Variants in TXNL1 observed in about 807,000 individuals in gnomAD.
The protein encoded by TXNL1 is thioredoxin like 1, also known as thioredoxin-like protein 1.
Under a neutral mutation model 35.5 loss-of-function variants are expected in TXNL1, and 14 were observed. The observed-to-expected ratio is 0.39, with a 90% confidence interval of 0.26 to 0.62. The LOEUF (loss-of-function observed/expected upper bound fraction) is 0.62. Among genes scored for constraint, TXNL1 ranks in the 20% least tolerant of loss-of-function variants. The pLI, the probability that TXNL1 is intolerant of heterozygous loss-of-function variation, is 0.47. For missense variants in TXNL1, 263 were observed against 349.7 expected, an observed-to-expected ratio of 0.75 and a Z score of 1.98; for synonymous variants, 110 against 115.5, an observed-to-expected ratio of 0.95 and a Z score of 0.31.
chr18:56,611,767 C>A (rs1467142142), intron 6 of TXNL1, among the ~76,000 whole-genome samples: 1 of 151,286 alleles, frequency 6.6e-6, no homozygotes, highest in Non-Finnish European at 1.5e-5. Flanking sequence ...GATCTCGACT[C>A]ACTGCAACCT....
In TXNL1 at chr18:56,601,070, T is replaced by C. The variant is rs1338916014; in HGVS notation, c.*1957A>G. 6.6e-6 allele frequency: 1 copy of C among 151,964 alleles called. No individual in the cohort carries two copies. The highest frequency in any genetic ancestry group is 1.5e-5 in the Non-Finnish European group (1 of 68,016). 9.4% of individuals were successfully genotyped at this position (151,964 alleles called of 1,614,324 possible). ...AGTTACATTTTTTCAAATGCTCTTATTCATCTGGAAAATTCAGTGTTATAT... is the reference window on the plus strand; with the variant it reads ...AGTTACATTTTTTCAAATGCTCTTACTCATCTGGAAAATTCAGTGTTATAT... On this transcript the variant is annotated 3_prime_UTR_variant, in exon 8 of 8. Coordinates refer to ENST00000217515, the MANE Select transcript of TXNL1 (RefSeq NM_004786.3).
chr18:56,613,744 A>T (rs1049237380), intron 6 of TXNL1, among the ~76,000 whole-genome samples: 3 of 152,194 alleles, frequency 2.0e-5, no homozygotes, highest in Admixed American at 2.0e-4. Context: ...CCAGTAGATC[A>T]GGGCTATACT....
chr18:56,638,311 C>T (rs755995031), intron 1 of TXNL1, 32 bp downstream of exon 1: 1 of 1,584,510 alleles, frequency 6.3e-7, no homozygotes. Context: ...GAAGGACAGA[C>T]GGGGACCCAC....
intron 2 of TXNL1, 185 bp downstream of exon 2, chr18:56,626,176 A>G: frequency 7.6e-7 from 1 of 1,314,350 alleles, no homozygotes; most frequent in Non-Finnish European, 9.7e-7. Flanking sequence ...AGCAATTAAT[A>G]ATGTGCTACT....
At chr18:56,627,571 C>T (rs555323400) in intron 1 of TXNL1, among the ~76,000 whole-genome samples, 1 of 152,202 alleles carries the variant, frequency 6.6e-6, no homozygotes, top group East Asian at 1.9e-4. Context: ...AAAGAAGAGT[C>T]TAGAAACAGA....
chr18:56,621,376 G>A (rs1017706935), intron 3 of TXNL1, among the ~76,000 whole-genome samples: 4 of 151,914 alleles, frequency 2.6e-5, no homozygotes, highest in Admixed American at 6.6e-5. Context: ...TGTATTTTTG[G>A]TAGAGATGGG....
chr18:56,621,494 C>T (rs1026121008), intron 3 of TXNL1, among the ~76,000 whole-genome samples: 1 of 152,032 alleles, frequency 6.6e-6, no homozygotes. Context: ...ACACGCCCAG[C>T]CCACAAAACA....
At chr18:56,623,501 G>A (rs2024225460) in intron 3 of TXNL1, among the ~76,000 whole-genome samples, 1 of 151,544 alleles carries the variant, frequency 6.6e-6, no homozygotes, top group Non-Finnish European at 1.5e-5. Flanking sequence ...ATCTGCCAGT[G>A]CAGTAACTTT....
chr18:56,610,807 A>G (rs892112958), intron 7 of TXNL1, 186 bp downstream of exon 7: 10 of 418,618 alleles, frequency 2.4e-5, no homozygotes, highest in Non-Finnish European at 4.2e-5. Flanking sequence ...ATTAAAGATT[A>G]CTTTGTTGGA....
chr18:56,633,709 G>GGT (rs975272995), intron 1 of TXNL1, among the ~76,000 whole-genome samples: 5 of 151,718 alleles, frequency 3.3e-5, no homozygotes, highest in African/African-American at 9.7e-5. Flanking sequence ...CCATTGGCTG[G>GGT]GTGTGGTGGC....
intron 5 of TXNL1, 24 bp downstream of exon 5, chr18:56,616,221 A>G: frequency 6.2e-7 from 1 of 1,602,658 alleles, no homozygotes; most frequent in East Asian, 2.2e-5. Flanking sequence ...AAGTTAGTTT[A>G]AAGAAAAGCT....
chr18:56,608,265 CT>C (rs1006034453), intron 7 of TXNL1: 40 of 152,224 alleles, frequency 2.6e-4, no homozygotes, highest in African/African-American at 9.1e-4. Flanking sequence ...TGTAAACCCT[CT>C]TTTTCTTTTT....
chr18:56,610,969 G>T, intron 7 of TXNL1, 24 bp downstream of exon 7: 2 of 1,425,002 alleles, frequency 1.4e-6, no homozygotes, highest in South Asian at 1.3e-5. Flanking sequence ...TTACTATCCC[G>T]AAGTATCATT....
At chr18:56,612,685 C>T (rs953141462) in intron 6 of TXNL1, among the ~76,000 whole-genome samples, 12 of 152,022 alleles carry the variant, frequency 7.9e-5, no homozygotes, top group Admixed American at 1.3e-4. Flanking sequence ...AACTGCCTCT[C>T]GTGATTTAAA....
Position 56,629,110 on chromosome 18 carries a change from C to T in TXNL1, c.99-2653G>A, listed in dbSNP as rs142865772. ...TAATTGCCCTTTTGAAAGTCTATTC[C>T]ATTTTAACAACACTTACTCTATTTC... On this transcript the variant is annotated intron_variant, in intron 1 of 7. Transcript: ENST00000217515. 4.1e-4 allele frequency among the ~76,000 whole-genome samples: 62 copies of T among 152,266 alleles called. 1 individual carries two copies. The highest frequency in any genetic ancestry group is 1.5e-3 in the African/African-American group (61 of 41,564).
intron 5 of TXNL1, among the ~76,000 whole-genome samples, chr18:56,615,254 G>A (rs1211324454): frequency 6.6e-6 from 1 of 152,008 alleles, no homozygotes; most frequent in Non-Finnish European, 1.5e-5. Flanking sequence ...TACAGCATTT[G>A]CTTATACAAA....
intron 1 of TXNL1, among the ~76,000 whole-genome samples, chr18:56,633,116 A>T (rs1348205720): frequency 6.6e-6 from 1 of 151,540 alleles, no homozygotes; most frequent in Non-Finnish European, 1.5e-5. Flanking sequence ...ATGTATCTCC[A>T]GCCTAAGCAA....
intron 3 of TXNL1, among the ~76,000 whole-genome samples, chr18:56,621,775 G>C (rs2024190908): frequency 6.6e-6 from 1 of 151,944 alleles, no homozygotes; most frequent in African/African-American, 2.4e-5. Context: ...TGAGACAGGT[G>C]GATCACCTGA....
At chr18:56,632,641 C>T (rs2024391682) in intron 1 of TXNL1, among the ~76,000 whole-genome samples, 1 of 152,218 alleles carries the variant, frequency 6.6e-6, no homozygotes, top group African/African-American at 2.4e-5. Context: ...GCCAGACAAA[C>T]TACATAACTG....
Sources: allele counts gnomAD v4.1 joint callset (sites outside exome capture counted in the v4.1 genomes callset), GRCh38; gene constraint gnomAD v4.1.1; transcripts MANE v1.5; gene names NCBI Gene and HGNC (gene_info 2026-07-23, HGNC 2026-07-21).